GNG2: variants seen among roughly 807,000 people sequenced by gnomAD.
GNG2 encodes guanine nucleotide-binding protein G(I)/G(S)/G(O) subunit gamma-2.
A neutral mutation model predicts 5.5 loss-of-function variants in GNG2; 5 were observed. The ratio of observed to expected loss-of-function variants is 0.91; its 90% CI spans 0.48 to 1.92. GNG2 has a LOEUF of 1.92. Ranked by LOEUF, GNG2 falls within the 30% of genes most tolerant of loss-of-function variation. The pLI, the probability that GNG2 is intolerant of heterozygous loss-of-function variation, is 0.01. For synonymous variants in GNG2, 28 were observed against 32.0 expected (o/e 0.88, Z 0.42); for missense variants, 55 against 88.4 (o/e 0.62, Z 1.52).
chr14:51,874,592 C>T lies in GNG2; in HGVS notation c.-70-3025C>T, dbSNP rs185524983. Among the ~76,000 whole-genome samples, 225 of 151,992 alleles carry T rather than the reference C, an allele frequency of 1.5e-3. 1 individual carries two copies. Among genetic ancestry groups the T allele is most frequent in the African/African-American group, 5.2e-3 (215 of 41,450 alleles). The stretch of plus-strand genomic sequence containing the variant: ...CAGAAAATAAAAAAAATTAGCTGGG[C>T]GTTGTGGTGCACACCTGTGGTCCCA... On this transcript the variant is annotated intron_variant, in intron 1 of 3. Transcript: ENST00000556766.
chr14:51,953,175 T>C (rs953477109), intron 3 of GNG2, among the ~76,000 whole-genome samples: 1 of 152,224 alleles, frequency 6.6e-6, no homozygotes, highest in Non-Finnish European at 1.5e-5. Context: ...TTAAAAAGTT[T>C]TCCTAGACCC....
At chr14:51,895,066 A>G (rs1057324500) in intron 2 of GNG2, among the ~76,000 whole-genome samples, 1 of 151,650 alleles carries the variant, frequency 6.6e-6, no homozygotes, top group East Asian at 1.9e-4. Flanking sequence ...AATGAACTTT[A>G]AAATTGCCTG....
intron 2 of GNG2, among the ~76,000 whole-genome samples, chr14:51,845,109 G>T (rs1190594916): frequency 1.3e-5 from 2 of 152,006 alleles, no homozygotes; most frequent in Admixed American, 1.3e-4. Context: ...ATTGTGAATT[G>T]TTTTTTTTCT....
chr14:51,882,766 T>C (rs74244455), intron 2 of GNG2, among the ~76,000 whole-genome samples: 4,748 of 152,186 alleles, frequency 0.031, 301 homozygotes, highest in East Asian at 0.24. Flanking sequence ...GAGAGTCCAT[T>C]TGGGAGGCCG....
In GNG2 at chr14:51,836,946, C is replaced by T. The variant is rs566273359; in HGVS notation, c.64+9139C>T. Among the ~76,000 whole-genome samples, 8 of 151,014 alleles carry T rather than the reference C, an allele frequency of 5.3e-5. No individual in the cohort carries two copies. The East Asian group carries it at 1.2e-3, about 22-fold the overall frequency. ...GATCTCGGCTCATTGTAACCTCTGCCTCCCGGGTTCAAGCGATTCTCCTGC... is the reference window on the plus strand; with the variant it reads ...GATCTCGGCTCATTGTAACCTCTGCTTCCCGGGTTCAAGCGATTCTCCTGC... On this transcript the variant is annotated intron_variant, in intron 2 of 3. Transcript: ENST00000553432.
chr14:51,919,463 G>T (rs185789432), intron 2 of GNG2, among the ~76,000 whole-genome samples: 1 of 152,318 alleles, frequency 6.6e-6, no homozygotes, highest in Non-Finnish European at 1.5e-5. Flanking sequence ...CTTTCAAGCA[G>T]GTCCCCAGAA....
At chr14:51,954,589 T>C (rs1889172098) in intron 3 of GNG2, among the ~76,000 whole-genome samples, 1 of 152,176 alleles carries the variant, frequency 6.6e-6, no homozygotes, top group Non-Finnish European at 1.5e-5. Context: ...TTATAAAAGA[T>C]ACAGGATGTC....
chr14:51,888,572 A>G (rs1884620995), intron 2 of GNG2, among the ~76,000 whole-genome samples: 1 of 152,168 alleles, frequency 6.6e-6, no homozygotes, highest in African/African-American at 2.4e-5. Flanking sequence ...TTCCTACCTC[A>G]GCCTCAATTT....
At chr14:51,941,713 G>A (rs1343768241) in intron 2 of GNG2, among the ~76,000 whole-genome samples, 1 of 152,204 alleles carries the variant, frequency 6.6e-6, no homozygotes, top group African/African-American at 2.4e-5. Flanking sequence ...ACAAGAAAAT[G>A]TATGGTTTCT....
At chr14:51,826,513 G>C (rs1364911725) in intron 1 of GNG2, among the ~76,000 whole-genome samples, 2 of 152,130 alleles carry the variant, frequency 1.3e-5, no homozygotes, top group Non-Finnish European at 2.9e-5. Context: ...GTGGTCTCCA[G>C]AACCAATACC....
chr14:51,884,914 T>A (rs1203543760), intron 2 of GNG2, among the ~76,000 whole-genome samples: 2 of 152,154 alleles, frequency 1.3e-5, no homozygotes, highest in Non-Finnish European at 2.9e-5. Flanking sequence ...CCTCTGGAAT[T>A]TTCCAACTCG....
rs142011309 is a variant in GNG2 at position 51,841,423 on chromosome 14, T to C, written c.64+13616T>C. 8.3e-3 allele frequency: 5,022 copies of C among 602,682 alleles called. 257 individuals are homozygous for C. In the Admixed American group the frequency reaches 0.094, roughly 11 times the overall value. The allele number at this position is 602,682 out of a possible 1,614,324, so 37.3% of individuals were successfully genotyped here. A position where few individuals can be genotyped will look rare whatever the true frequency, so the allele number is the denominator to read the frequency against. On this transcript the variant is annotated intron_variant, in intron 2 of 3. Coordinates refer to the GNG2 transcript ENST00000553432. ...CAAACAAACAAACAAACAAAAAGCC[T>C]GGCACTGTTTGTTCTGTATGAATTC...
intron 2 of GNG2, among the ~76,000 whole-genome samples, chr14:51,892,370 G>A (rs1884917120): frequency 6.6e-6 from 1 of 151,126 alleles, no homozygotes; most frequent in African/African-American, 2.4e-5. Context: ...AGAGAGCTAT[G>A]GCGCGATCTT....
intron 2 of GNG2, among the ~76,000 whole-genome samples, chr14:51,937,870 T>A (rs1888104231): frequency 6.6e-6 from 1 of 152,188 alleles, no homozygotes; most frequent in Non-Finnish European, 1.5e-5. Context: ...TCTTTCCATA[T>A]AAGATACAGG....
intron 2 of GNG2, among the ~76,000 whole-genome samples, chr14:51,846,357 C>A (rs577484702): frequency 6.6e-6 from 1 of 152,010 alleles, no homozygotes; most frequent in African/African-American, 2.4e-5. Flanking sequence ...ACCATATAAA[C>A]CTGGATTAAT....
chr14:51,851,341 A>G (rs184780400), intron 2 of GNG2, among the ~76,000 whole-genome samples: 1 of 152,254 alleles, frequency 6.6e-6, no homozygotes, highest in Admixed American at 6.5e-5. Flanking sequence ...TGCTTTGATC[A>G]TAAGATGCAC....
intron 2 of GNG2, among the ~76,000 whole-genome samples, chr14:51,933,730 G>A (rs1463327516): frequency 1.3e-5 from 2 of 152,212 alleles, no homozygotes; most frequent in Non-Finnish European, 2.9e-5. Flanking sequence ...AGAGAAGGCA[G>A]AGCTTATGCA....
chr14:51,902,898 A>G (rs916032579), intron 2 of GNG2, among the ~76,000 whole-genome samples: 1 of 150,120 alleles, frequency 6.7e-6, no homozygotes, highest in Non-Finnish European at 1.5e-5. Context: ...AAAAAGAAGG[A>G]AAAATAAAAT....
At chr14:51,957,711 A>G (rs1420080897) in intron 3 of GNG2, among the ~76,000 whole-genome samples, 1 of 152,200 alleles carries the variant, frequency 6.6e-6, no homozygotes, top group African/African-American at 2.4e-5. Context: ...TTTTAGCGAG[A>G]GGACCAAGTT....
Sources: allele counts gnomAD v4.1 joint callset (sites outside exome capture counted in the v4.1 genomes callset), GRCh38; gene constraint gnomAD v4.1.1; transcripts MANE v1.5; gene names NCBI Gene and HGNC (gene_info 2026-07-23, HGNC 2026-07-21).